ZNF786: variants seen among roughly 807,000 people sequenced by gnomAD.
ZNF786 encodes zinc finger protein 786.
A neutral mutation model predicts 63.1 loss-of-function variants in ZNF786; 56 were observed. The observed-to-expected ratio is 0.89, with a 90% CI of 0.72 to 1.11. ZNF786 has a LOEUF of 1.11. Ranked by LOEUF, ZNF786 falls within the 50% of genes least tolerant of loss-of-function variation. The pLI, the probability that ZNF786 is intolerant of heterozygous loss-of-function variation, is 0.00. For synonymous variants in ZNF786, 485 were observed against 406.9 expected, an observed-to-expected ratio of 1.19 and a Z score of -2.31; for missense variants, 1,213 against 1,041.8, an observed-to-expected ratio of 1.16 and a Z score of -2.26.
At chr7:149,077,308 AG>A (rs1825569608) in intron 2 of ZNF786, among the ~76,000 whole-genome samples, 1 of 152,198 alleles carries the variant, frequency 6.6e-6, no homozygotes, top group African/African-American at 2.4e-5. Context: ...GAAGGCAGAA[AG>A]ATCCATGTAA....
At position 149,071,643 on chromosome 7, in the gene ZNF786, G is replaced by C. The variant is rs1825420206; in HGVS notation, c.1129C>G (p.Arg377Gly). Residue 377 changes from arginine (R) to glycine (G), a missense_variant, in exon 4 of 4, where the codon CGC becomes GGC. Arg to Gly is a moderately radical substitution (Grantham distance 125). Coordinates refer to ENST00000491431, the MANE Select transcript of ZNF786 (RefSeq NM_152411.4). ...GPCSCSECGE[R>G]SPMSARLASP... is the part of the protein sequence containing the mutation. ...GCGAGCCTGGCGCTCATAGGGGAGC[G>C]CTCGCCACACTCCGAGCAGGAGCAG... The C allele has an allele frequency of 6.3e-7, 1 of 1,575,852 alleles. No individual in the cohort carries two copies. Among genetic ancestry groups the C allele is most frequent in the African/African-American group, 1.3e-5 (1 of 74,238 alleles).
intron 3 of ZNF786, 77 bp from the exon 4 acceptor site, chr7:149,072,550 C>T: frequency 2.1e-6 from 3 of 1,447,856 alleles, no homozygotes; most frequent in Non-Finnish European, 2.7e-6. Context: ...AAGTGACCCA[C>T]AAGAGTGCCT....
rs566946062 is a variant in ZNF786, at chr7:149,072,112, T to A, written c.660A>T (p.Lys220Asn). Residue 220 changes from lysine to asparagine, a missense_variant, in exon 4 of 4, where the codon AAA (lysine) becomes AAT (asparagine). Physicochemically the swap from Lys to Asn is moderately conservative, Grantham distance 94. Transcript: ENST00000491431. The part of the protein sequence containing the change: ...SKDRTRRAWE[K>N]FNKRAETQMP... ...TCTGCGTCTCCGCCCTCTTGTTGAA[T>A]TTCTCCCAGGCCCTACGTGTCCGGT... 1 of 1,613,276 alleles carries A rather than the reference T, an allele frequency of 6.2e-7. No individual in the cohort carries two copies. The highest frequency in any genetic ancestry group is 1.1e-5 in the South Asian group (1 of 90,992).
In ZNF786 at chr7:149,071,833, A is replaced by G. The variant is rs1228745013; in HGVS notation, c.939T>C (p.Ala313=). ...CCTCCCGGCTGTGCTGGCACCGGCG[A>G]GCCTGCGTGCTGTCCACTGGGAGGG... is the stretch of plus-strand genomic sequence containing the variant. ...KRSLPVDSTQ[A]RRCQHSREGP... The change falls in exon 4 of 4, where the codon GCT becomes GCC. Residue 313 remains alanine (A), a synonymous_variant. Transcript: ENST00000491431. 6.3e-7 allele frequency: 1 copy of G among 1,592,530 alleles called. No individual in the cohort carries two copies.
chr7:149,073,724 CGTGT>C lies in ZNF786; in HGVS notation c.298+658_298+661del, dbSNP rs375323153. On this transcript the variant is annotated intron_variant, in intron 3 of 3. Transcript: ENST00000491431. ...ATACACGTGTGTGTGTATATGTGTG[CGTGT>C]GTGTGTGTGTGTGTGTGTGTATATA... Among the ~76,000 whole-genome samples, 108 of 67,900 alleles carry C rather than the reference CGTGT, an allele frequency of 1.6e-3. 1 individual carries two copies. Among genetic ancestry groups the C allele is most frequent in the African/African-American group, 2.5e-3 (56 of 22,170 alleles). The allele number at this position is 67,900 out of a possible 152,430, so 44.5% of individuals were successfully genotyped here. A position where few individuals can be genotyped will look rare whatever the true frequency, so the allele number is the denominator to read the frequency against.
chr7:149,090,509 G>C, intron 1 of ZNF786, 114 bp downstream of exon 1: 1 of 1,214,816 alleles, frequency 8.2e-7, no homozygotes, highest in Non-Finnish European at 1.1e-6. Flanking sequence ...TGCAGACTCC[G>C]TCCTACCCGT....
intron 2 of ZNF786, among the ~76,000 whole-genome samples, chr7:149,074,829 A>ATT (rs1825514035): frequency 6.6e-6 from 1 of 151,336 alleles, no homozygotes; most frequent in African/African-American, 2.4e-5. Context: ...ATATATATAT[A>ATT]TATTTTTAAA....
Position 149,071,019 on chromosome 7 carries a change from G to A in ZNF786, c.1753C>T (p.Arg585Cys), listed in dbSNP as rs775726975. 2 of 1,610,676 alleles carry A rather than the reference G, an allele frequency of 1.2e-6. No homozygotes were observed. The highest frequency in any genetic ancestry group is 1.7e-6 in the Non-Finnish European group (2 of 1,179,428). Residue 585 changes from arginine to cysteine, a missense_variant, in exon 4 of 4, where the codon CGC (arginine) becomes TGC (cysteine). Coordinates refer to ENST00000491431, the MANE Select transcript of ZNF786 (RefSeq NM_152411.4). The part of the protein sequence containing the change: ...TRQSKLTEHL[R>C]VHSGERPFQC... ...AAGGGTCTCTCCCCGCTGTGCACGC[G>A]CAAGTGCTCCGTGAGCTTGGATTGT...
chr7:149,078,799 T>C (rs930937942), intron 2 of ZNF786, among the ~76,000 whole-genome samples: 10 of 152,264 alleles, frequency 6.6e-5, no homozygotes, highest in African/African-American at 2.4e-4. Flanking sequence ...AGAGAAATAC[T>C]AGAGAACTAA....
In ZNF786 at chr7:149,070,877, A is replaced by G. The variant is rs745618544; in HGVS notation, c.1895T>C (p.Val632Ala). 1.2e-6 allele frequency: 2 copies of G among 1,610,286 alleles called. No individual in the cohort carries two copies. Among genetic ancestry groups the G allele is most frequent in the East Asian group, 4.5e-5 (2 of 44,630 alleles). The change falls in exon 4 of 4, where the codon GTG becomes GCG. Residue 632 changes from valine (V) to alanine (A), a missense_variant. Transcript: ENST00000491431. ...CTGGTGGGCCTTCATGTCGGCCTTCACGCGATAGCGCTTGTCGCACTCCGG... is the reference window on the plus strand; with the variant it reads ...CTGGTGGGCCTTCATGTCGGCCTTCGCGCGATAGCGCTTGTCGCACTCCGG... ...QCPECDKRYR[V>A]KADMKAHQLL...
intron 1 of ZNF786, among the ~76,000 whole-genome samples, chr7:149,083,510 C>T (rs117901437): frequency 0.02 from 3,014 of 152,162 alleles, 48 homozygotes; most frequent in Non-Finnish European, 0.025. Flanking sequence ...CCACCGCGCC[C>T]GGCCAAAGTT....
Position 149,070,959 on chromosome 7 carries a change from T to G in ZNF786, c.1813A>C (p.Lys605Gln), listed in dbSNP as rs1478128349. Residue 605 changes from lysine (K) to glutamine (Q), a missense_variant, in exon 4 of 4, where the codon AAG becomes CAG. Transcript: ENST00000491431. ...CGCTGATGGCTGAGCAGCTGCCCCT[T>G]CAGGCGGAAGCTCCTGTTGCACTCT... Reference protein sequence around the residue: ...CPECNRSFRLKGQLLSHQRLH... With the variant: ...CPECNRSFRLQGQLLSHQRLH... The G allele has an allele frequency of 6.2e-7, 1 of 1,613,000 alleles. No individual in the cohort carries two copies. Among genetic ancestry groups the G allele is most frequent in the African/African-American group, 1.3e-5 (1 of 74,766 alleles).
Position 149,071,940 on chromosome 7 carries a change from G to C in ZNF786, c.832C>G (p.Arg278Gly), listed in dbSNP as rs757197778. 6 of 1,610,554 alleles carry C rather than the reference G, an allele frequency of 3.7e-6. No individual in the cohort carries two copies. The South Asian group carries it at 6.6e-5, about 18-fold the overall frequency. ...FRNADGEMCF[R>G]HELTHPSHRL... is the part of the protein sequence containing the mutation. ...TGGCTGGGATGGGTCAGCTCGTGTCGGAAGCACATTTCACCGTCAGCGTTC... is the reference window on the plus strand; with the variant it reads ...TGGCTGGGATGGGTCAGCTCGTGTCCGAAGCACATTTCACCGTCAGCGTTC... The change falls in exon 4 of 4, where the codon CGA becomes GGA. Residue 278 changes from arginine to glycine, a missense_variant. Coordinates refer to ENST00000491431, the MANE Select transcript of ZNF786 (RefSeq NM_152411.4).
chr7:149,082,146 C>T (rs1825662931), intron 1 of ZNF786, among the ~76,000 whole-genome samples: 1 of 152,102 alleles, frequency 6.6e-6, no homozygotes, highest in African/African-American at 2.4e-5. Context: ...CGGACTTCCT[C>T]CTTGCTGTTC....
chr7:149,070,823 G>C lies in ZNF786; in HGVS notation c.1949C>G (p.Ser650Cys), dbSNP rs371048918. ...CACAAAGCCCTTGCCGCACTCACAG[G>C]AGAAAGGCATCTCCCCGCTGTGCAG... ...QLLHSGEMPF[S>C]CECGKGFVKH... is the part of the protein sequence containing the mutation. Residue 650 changes from serine (S) to cysteine (C), a missense_variant, in exon 4 of 4, where the codon TCC (serine) becomes TGC (cysteine). Coordinates refer to ENST00000491431, the MANE Select transcript of ZNF786 (RefSeq NM_152411.4). 3.1e-5 allele frequency: 50 copies of C among 1,613,518 alleles called. No individual in the cohort carries two copies. Among genetic ancestry groups the C allele is most frequent in the African/African-American group, 4.0e-5 (3 of 74,870 alleles).
chr7:149,071,674 C>T lies in ZNF786; in HGVS notation c.1098G>A (p.Glu366=), dbSNP rs765704537. Residue 366 remains glutamate, a synonymous_variant, in exon 4 of 4, where the codon GAG becomes GAA. Coordinates refer to ENST00000491431, the MANE Select transcript of ZNF786 (RefSeq NM_152411.4). ...GDTEALQHGA[E]GPCSCSECGE... Reference sequence around the variant, plus strand: ...CACACTCCGAGCAGGAGCAGGGCCCCTCTGCGCCATGCTGCAGCGCCTCCG... The same window carrying T: ...CACACTCCGAGCAGGAGCAGGGCCCTTCTGCGCCATGCTGCAGCGCCTCCG... 1.2e-5 allele frequency: 19 copies of T among 1,567,138 alleles called. No individual in the cohort carries two copies. Among genetic ancestry groups the T allele is most frequent in the Non-Finnish European group, 1.6e-5 (19 of 1,162,896 alleles).
At chr7:149,077,184 C>G (rs1384110998) in intron 2 of ZNF786, among the ~76,000 whole-genome samples, 1 of 152,218 alleles carries the variant, frequency 6.6e-6, no homozygotes, top group Non-Finnish European at 1.5e-5. Context: ...TTATTCTTGT[C>G]TTGGTTCTCC....
At chr7:149,076,982 T>C (rs1701841849) in intron 2 of ZNF786, among the ~76,000 whole-genome samples, 1 of 152,200 alleles carries the variant, frequency 6.6e-6, no homozygotes, top group South Asian at 2.1e-4. Context: ...CTTTACTGTA[T>C]GTTACCAAAT....
chr7:149,073,848 A>G (rs988501247), intron 3 of ZNF786, among the ~76,000 whole-genome samples: 4 of 146,496 alleles, frequency 2.7e-5, no homozygotes, highest in African/African-American at 1.0e-4. Flanking sequence ...GTGCAGTTGC[A>G]TAATCTCAGC....
Sources: allele counts gnomAD v4.1 joint callset (sites outside exome capture counted in the v4.1 genomes callset), GRCh38; gene constraint gnomAD v4.1.1; transcripts MANE v1.5; gene names NCBI Gene and HGNC (gene_info 2026-07-23, HGNC 2026-07-21).